The following DGKD variants were observed in gnomAD, a reference collection of about 807,000 sequenced individuals.
DGKD encodes the protein DAG kinase delta.
Under a neutral mutation model 154.4 loss-of-function variants are expected in DGKD, and 68 were observed. The observed-to-expected ratio is 0.44, with a 90% CI of 0.36 to 0.54. DGKD has a LOEUF of 0.54. Among genes scored for constraint, DGKD ranks in the 20% least tolerant of loss-of-function variants. The pLI is 0.00. For missense variants in DGKD, 1,343 were observed against 1,593.6 expected (o/e 0.84, Z 2.68); for synonymous variants, 693 against 638.0 (o/e 1.09, Z -1.30).
intron 3 of DGKD, among the ~76,000 whole-genome samples, chr2:233,433,863 G>T (rs573363087): frequency 6.6e-6 from 1 of 152,008 alleles, no homozygotes; most frequent in Non-Finnish European, 1.5e-5. Flanking sequence ...ATTATTACCA[G>T]GTCACAGCTT....
Position 233,458,409 on chromosome 2 carries a change from G to A in DGKD, c.2694+12G>A. 1 of 1,588,038 alleles carries A rather than the reference G, an allele frequency of 6.3e-7. No individual in the cohort carries two copies. The highest frequency in any genetic ancestry group is 8.6e-7 in the Non-Finnish European group (1 of 1,164,150). On this transcript the variant is annotated intron_variant, in intron 22 of 29. Transcript: ENST00000264057. The surrounding 1 kb of genome is among the most constrained non-coding windows in gnomAD (Gnocchi z 6.6). ...ATCGGATCGCCCAGGTAGTGGCCAT[G>A]GTCCTGGGGTGTCTGGCCGAGTCCC...
Position 233,450,921 on chromosome 2 carries a change from G to A in DGKD, c.2039-1G>A, listed in dbSNP as rs760747021. Reference sequence around the variant, plus strand: ...TAAGGTTTTCTGCTGTGTTGTTACAGTGTCGAAATCTCCGTGTGAAAAGCT... The same window carrying A: ...TAAGGTTTTCTGCTGTGTTGTTACAATGTCGAAATCTCCGTGTGAAAAGCT... On this transcript the variant is annotated splice_acceptor_variant, in intron 16 of 29. Transcript: ENST00000264057. LOFTEE classifies it high-confidence loss of function. The A allele has an allele frequency of 1.3e-6, 2 of 1,598,526 alleles. No individual in the cohort carries two copies. Among genetic ancestry groups the A allele is most frequent in the Admixed American group, 3.3e-5 (2 of 59,804 alleles).
In DGKD at chr2:233,459,334, A is replaced by G. The variant is rs1228304171; in HGVS notation, c.2695-423A>G. Among the ~76,000 whole-genome samples, 3 of 152,010 alleles carry G rather than the reference A, an allele frequency of 2.0e-5. No individual in the cohort carries two copies. The highest frequency in any genetic ancestry group is 2.0e-4 in the Admixed American group (3 of 15,282). The stretch of plus-strand genomic sequence containing the variant: ...AAGTTCACAATTTTCACTCTTTGGC[A>G]ATGTTTGTTGTTGAAAAGGAGGAAC... On this transcript the variant is annotated intron_variant, in intron 22 of 29. Transcript: ENST00000264057. The surrounding 1 kb of genome is among the most constrained non-coding windows in gnomAD (Gnocchi z 5.7).
chr2:233,445,890 T>G lies in DGKD; in HGVS notation c.1334+128T>G. On this transcript the variant is annotated intron_variant, in intron 11 of 29. Coordinates refer to ENST00000264057, the MANE Select transcript of DGKD (RefSeq NM_152879.3). The surrounding 1 kb of genome is among the most constrained non-coding windows in gnomAD (Gnocchi z 5.5). Reference sequence around the variant, plus strand: ...TGAAATTATTTGTAAAGATTTGACCTGAGTATATATTCGGATAGTCTTTGA... The same window carrying G: ...TGAAATTATTTGTAAAGATTTGACCGGAGTATATATTCGGATAGTCTTTGA... 8.7e-7 allele frequency: 1 copy of G among 1,143,652 alleles called. No homozygotes were observed. The highest frequency in any genetic ancestry group is 1.2e-6 in the Non-Finnish European group (1 of 837,188). 70.8% of individuals were successfully genotyped at this position (1,143,652 alleles called of 1,614,324 possible). A position where few individuals can be genotyped will look rare whatever the true frequency, so the allele number is the denominator to read the frequency against.
chr2:233,460,229 G>A lies in DGKD; in HGVS notation c.2865G>A (p.Lys955=), dbSNP rs1220477657. Residue 955 remains lysine, a synonymous_variant, in exon 24 of 30, where the codon AAG becomes AAA. Transcript: ENST00000264057. ...GCACCCTGAAGTCCTGGGAAGACAA[G>A]CAGAAGTGCGAGCTGCCCCGCCCTC... ...FESTLKSWED[K]QKCELPRPPS... 1.2e-6 allele frequency: 2 copies of A among 1,614,008 alleles called. No homozygotes were observed. The highest frequency in any genetic ancestry group is 1.7e-5 in the Admixed American group (1 of 60,012).
At chr2:233,386,084 C>A in intron 1 of DGKD, 9 of 420,510 alleles carry the variant, frequency 2.1e-5, no homozygotes, top group African/African-American at 4.1e-5. Flanking sequence ...GCAGGAGATG[C>A]AAGAAAAAAT....
chr2:233,447,428 C>A (rs1021537288), intron 12 of DGKD: 20 of 973,670 alleles, frequency 2.1e-5, no homozygotes, highest in Non-Finnish European at 2.4e-5. Context: ...GGGCAACGGT[C>A]AGCAAACAAG....
In DGKD at chr2:233,394,691, CTTTTTTTTTTTTTT is replaced by C. The variant is rs1162430401; in HGVS notation, c.348+4228_348+4241del. Among the ~76,000 whole-genome samples the C allele has an allele frequency of 4.2e-3, 110 of 26,394 alleles. 2 individuals are homozygous for C. Among genetic ancestry groups the C allele is most frequent in the African/African-American group, 0.021 (96 of 4,612 alleles). The allele number at this position is 26,394 out of a possible 152,430, so 17.3% of individuals were successfully genotyped here. ...TCCTTATTATTTTGAATTTAATTCC[CTTTTTTTTTTTTTT>C]TTTTTTTTTTTTTTTTTTTAGAGAT... On this transcript the variant is annotated intron_variant, in intron 3 of 29. Coordinates refer to ENST00000264057, the MANE Select transcript of DGKD (RefSeq NM_152879.3).
At chr2:233,419,182 T>A in intron 3 of DGKD, 8 of 978,172 alleles carry the variant, frequency 8.2e-6, no homozygotes, top group Non-Finnish European at 9.7e-6. Context: ...GCCCAGGAGC[T>A]ATATTTAGCA....
Position 233,449,028 on chromosome 2 carries a change from A to G in DGKD, c.1615-75A>G. ...TCGAGTTCTAGGAAGTCTGGGTGAA[A>G]TGGCCTGAGGTTCCCTGCCTGCAGA... On this transcript the variant is annotated intron_variant, in intron 14 of 29. Coordinates refer to ENST00000264057, the MANE Select transcript of DGKD (RefSeq NM_152879.3). The surrounding 1 kb of genome is among the most constrained non-coding windows in gnomAD (Gnocchi z 5.3). The G allele has an allele frequency of 6.7e-7, 1 of 1,492,020 alleles. No individual in the cohort carries two copies. The highest frequency in any genetic ancestry group is 2.2e-5 in the Admixed American group (1 of 46,142). 92.4% of individuals were successfully genotyped at this position (1,492,020 alleles called of 1,614,324 possible). A position where few individuals can be genotyped will look rare whatever the true frequency, so the allele number is the denominator to read the frequency against.
At chr2:233,460,485 T>G in intron 24 of DGKD, 140 bp downstream of exon 24, 2 of 1,123,472 alleles carry the variant, frequency 1.8e-6, no homozygotes, top group East Asian at 2.6e-5. Flanking sequence ...CGAGCCTGTT[T>G]ATGTGCCCTC....
At chr2:233,419,059 G>A (rs962108057) in intron 3 of DGKD, among the ~76,000 whole-genome samples, 2 of 152,148 alleles carry the variant, frequency 1.3e-5, no homozygotes. Context: ...AATTGTGTAC[G>A]GGGAATCCAG....
At position 233,459,875 on chromosome 2, in the gene DGKD, CACTG is replaced by C; in HGVS notation, c.2816_2819del (p.Leu939ProfsTer10). 6.2e-7 allele frequency: 1 copy of C among 1,613,922 alleles called. No homozygotes were observed. Among genetic ancestry groups the C allele is most frequent in the Non-Finnish European group, 8.5e-7 (1 of 1,179,904 alleles). ...ATTGTCCACAAGAACCGGGCACAGACACTGACCAGAGACAGGGTAAGAGCGGCTG... is the reference window on the plus strand; with the variant it reads ...ATTGTCCACAAGAACCGGGCACAGACACCAGAGACAGGGTAAGAGCGGCTG... On this transcript the variant is annotated frameshift_variant, in exon 23 of 30. Transcript: ENST00000264057. LOFTEE classifies it high-confidence loss of function. The surrounding 1 kb of genome is among the most constrained non-coding windows in gnomAD (Gnocchi z 5.7).
At chr2:233,434,569 G>A (rs747429446) in intron 4 of DGKD, 85 bp downstream of exon 4, 61 of 1,443,402 alleles carry the variant, frequency 4.2e-5, no homozygotes, top group East Asian at 6.8e-5. Context: ...TCCCACGTGC[G>A]GACCCACAGT....
chr2:233,403,371 C>T (rs183583802), intron 3 of DGKD, among the ~76,000 whole-genome samples: 1 of 151,896 alleles, frequency 6.6e-6, no homozygotes, highest in African/African-American at 2.4e-5. Context: ...ACCAGCCTAG[C>T]CAACATGGTG....
intron 3 of DGKD, among the ~76,000 whole-genome samples, chr2:233,399,110 GC>G (rs1170485815): frequency 6.6e-6 from 1 of 152,198 alleles, no homozygotes; most frequent in East Asian, 1.9e-4. Context: ...TCAAAATGCA[GC>G]AAAAAGGAAT....
chr2:233,380,607 G>A (rs895370706), intron 1 of DGKD, among the ~76,000 whole-genome samples: 1 of 152,094 alleles, frequency 6.6e-6, no homozygotes, highest in African/African-American at 2.4e-5. Context: ...TATGATGAAA[G>A]GTCCCCCGCG....
At position 233,354,636 on chromosome 2, in the gene DGKD, A is replaced by G; in HGVS notation, c.118A>G (p.Ile40Val). The G allele has an allele frequency of 9.0e-7, 1 of 1,112,144 alleles. No individual in the cohort carries two copies. The highest frequency in any genetic ancestry group is 1.1e-6 in the Non-Finnish European group (1 of 896,878). The allele number at this position is 1,112,144 out of a possible 1,614,324, so 68.9% of individuals were successfully genotyped here. Residue 40 changes from isoleucine (I) to valine (V), a missense_variant, in exon 1 of 30, where the codon ATC becomes GTC. Ile to Val is a conservative substitution (Grantham distance 29). Coordinates refer to ENST00000264057, the MANE Select transcript of DGKD (RefSeq NM_152879.3). This position sits in a 1 kb window ranked among gnomAD's most constrained non-coding sequence, Gnocchi z 4.8. The part of the protein sequence containing the change: ...EAEPGSPQKL[I>V]RKVSTSGQIR... ...GGAGCCCGGCTCCCCACAGAAGCTC[A>G]TCCGCAAGGTGTCCACGTCGGGTCA...
chr2:233,394,463 C>CA (rs1277233551), intron 3 of DGKD, among the ~76,000 whole-genome samples: 1 of 151,604 alleles, frequency 6.6e-6, no homozygotes, highest in Non-Finnish European at 1.5e-5. Flanking sequence ...AGGCTGGTCT[C>CA]AAACTCCTGG....
Sources: gnomAD v4.1 joint callset for allele counts (sites outside exome capture counted in the v4.1 genomes callset) on GRCh38, gnomAD v4.1.1 for gene constraint, Gnocchi (gnomAD v3.1) non-coding constraint, MANE v1.5 for transcripts, NCBI Gene and HGNC (gene_info 2026-07-23, HGNC 2026-07-21) for gene names.